Variants in SPTAN1 observed in about 807,000 individuals in gnomAD.
SPTAN1 encodes the protein spectrin alpha chain, non-erythrocytic 1.
A neutral mutation model predicts 331.3 loss-of-function variants in SPTAN1; 61 were observed. That is an observed-to-expected ratio of 0.18 (90% confidence interval 0.15 to 0.23). The LOEUF (loss-of-function observed/expected upper bound fraction) is 0.23. Ranked by LOEUF, SPTAN1 falls within the 10% of genes least tolerant of loss-of-function variation. The probability of loss-of-function intolerance (pLI) is 1.00; values close to 1 mark genes in which losing one functional copy is unlikely to be tolerated. For synonymous variants in SPTAN1, 1,153 were observed against 1,173.9 expected (o/e 0.98, Z 0.36); for missense variants, 2,043 against 3,147.9 (o/e 0.65, Z 8.40).
At chr9:128,598,846 A>G in intron 25 of SPTAN1, 117 bp from the exon 26 acceptor site, 1 of 948,974 alleles carries the variant, frequency 1.1e-6, no homozygotes, top group East Asian at 2.4e-5. Flanking sequence ...TTGGACTGGC[A>G]TTTCCATTTG....
chr9:128,605,549 A>G (rs1421649843), intron 31 of SPTAN1, 72 bp downstream of exon 31: 15 of 1,576,508 alleles, frequency 9.5e-6, no homozygotes, highest in Middle Eastern at 3.7e-4. Flanking sequence ...TATTGTGAAA[A>G]TAGTACATGC....
chr9:128,618,153 A>C (rs748540221), intron 43 of SPTAN1, 45 bp downstream of exon 43: 8 of 1,610,978 alleles, frequency 5.0e-6, no homozygotes, highest in Non-Finnish European at 6.8e-6. Flanking sequence ...GTGGAAGGCC[A>C]GCACCCAAGG....
At chr9:128,593,093 C>G (rs1474353957) in intron 23 of SPTAN1, 51 bp downstream of exon 23, 3 of 1,560,064 alleles carry the variant, frequency 1.9e-6, no homozygotes, top group Non-Finnish European at 2.6e-6. Context: ...GCTACCCTAT[C>G]CATTCTCCCT....
At chr9:128,584,574 A>G (rs779622426) in intron 17 of SPTAN1, 49 bp downstream of exon 17, 16 of 1,613,908 alleles carry the variant, frequency 9.9e-6, no homozygotes, top group Admixed American at 3.3e-5. Flanking sequence ...AGGCTGTGCT[A>G]TTGTAGCATA....
At chr9:128,615,865 G>T in intron 41 of SPTAN1, 25 bp downstream of exon 41, 1 of 1,612,514 alleles carries the variant, frequency 6.2e-7, no homozygotes, top group Non-Finnish European at 8.5e-7. Flanking sequence ...CCCTCTAGAA[G>T]GCCCCTTACG....
chr9:128,613,091 AT>A (rs1856751742), intron 39 of SPTAN1, among the ~76,000 whole-genome samples: 1 of 152,064 alleles, frequency 6.6e-6, no homozygotes, highest in Non-Finnish European at 1.5e-5. Context: ...CACACTGCTG[AT>A]TCTTTCCTAG....
Position 128,581,905 on chromosome 9 carries a change from C to G in SPTAN1, c.1572+13C>G. The G allele has an allele frequency of 6.4e-7, 1 of 1,552,370 alleles. No homozygotes were observed. Among genetic ancestry groups the G allele is most frequent in the Non-Finnish European group, 8.9e-7 (1 of 1,123,910 alleles). ...GGAAAAGATTACAGTAAGACCCCTT[C>G]TTGTCAGTGCTTTCAAATGACCCTT... On this transcript the variant is annotated intron_variant, in intron 12 of 56. Coordinates refer to ENST00000372739, the MANE Select transcript of SPTAN1 (RefSeq NM_001130438.3).
chr9:128,628,549 C>T (rs193003386), intron 51 of SPTAN1: 209 of 243,562 alleles, frequency 8.6e-4, no homozygotes, highest in Non-Finnish European at 1.4e-3. Flanking sequence ...AGGAGCAGGG[C>T]TGGGCTGTCC....
Position 128,588,830 on chromosome 9 carries a change from G to C in SPTAN1, c.2893G>C (p.Asp965His). 1 of 1,614,154 alleles carries C rather than the reference G, an allele frequency of 6.2e-7. No homozygotes were observed. Among genetic ancestry groups the C allele is most frequent in the Non-Finnish European group, 8.5e-7 (1 of 1,180,034 alleles). ...TTAGCAACAAGTGGCCCCCACGGATGATGAGACTGGGAAGGAGCTGGTCTT... is the reference window on the plus strand; with the variant it reads ...TTAGCAACAAGTGGCCCCCACGGATCATGAGACTGGGAAGGAGCTGGTCTT... ...SCRQQVAPTD[D>H]ETGKELVLAL... Residue 965 changes from aspartate to histidine, a missense_variant, in exon 21 of 57, where the codon GAT becomes CAT. Physicochemically the swap from Asp to His is moderately conservative, Grantham distance 81. Transcript: ENST00000372739.
chr9:128,565,054 C>T (rs1259013204), intron 1 of SPTAN1, among the ~76,000 whole-genome samples: 1 of 152,188 alleles, frequency 6.6e-6, no homozygotes, highest in Non-Finnish European at 1.5e-5. Context: ...CCTGTAATTC[C>T]AGCCCTTTGG....
intron 31 of SPTAN1, 26 bp from the exon 32 acceptor site, chr9:128,607,578 T>A: frequency 6.3e-7 from 1 of 1,583,396 alleles, no homozygotes; most frequent in Non-Finnish European, 8.7e-7. Flanking sequence ...ATATAATAGC[T>A]ATTTTTCTGG....
At chr9:128,582,942 A>G (rs1852133703) in intron 14 of SPTAN1, 93 bp downstream of exon 14, 2 of 1,593,056 alleles carry the variant, frequency 1.3e-6, no homozygotes, top group Middle Eastern at 4.5e-4. Flanking sequence ...GAAATAAGGG[A>G]TTCCAGAAAC....
rs1290372562 is a variant in SPTAN1, at chr9:128,625,807, A to G, written c.6108A>G (p.Glu2036=). ...CTGGGCTGCAGGCCTTCCAGCAGGA[A>G]GGCATTGCCAACATCACTGCCCTCA... The part of the protein sequence containing the change: ...FDAGLQAFQQ[E]GIANITALKD... The change falls in exon 48 of 57, where the codon GAA becomes GAG. Residue 2036 remains glutamate, a synonymous_variant. Coordinates refer to ENST00000372739, the MANE Select transcript of SPTAN1 (RefSeq NM_001130438.3). The surrounding 1 kb of genome is among the most constrained non-coding windows in gnomAD (Gnocchi z 4.1). 2.5e-6 allele frequency: 4 copies of G among 1,614,164 alleles called. No individual in the cohort carries two copies. The highest frequency in any genetic ancestry group is 1.1e-5 in the South Asian group (1 of 91,088).
rs538458062 is a variant in SPTAN1 at position 128,627,242 on chromosome 9, G to A, written c.6577-144G>A. 17 of 724,128 alleles carry A rather than the reference G, an allele frequency of 2.3e-5. No individual in the cohort carries two copies. Among genetic ancestry groups the A allele is most frequent in the Middle Eastern group, 2.4e-4 (1 of 4,212 alleles). The allele number at this position is 724,128 out of a possible 1,614,324, so 44.9% of individuals were successfully genotyped here. A position where few individuals can be genotyped will look rare whatever the true frequency, so the allele number is the denominator to read the frequency against. On this transcript the variant is annotated intron_variant, in intron 49 of 56. Coordinates refer to ENST00000372739, the MANE Select transcript of SPTAN1 (RefSeq NM_001130438.3). The surrounding 1 kb of genome is among the most constrained non-coding windows in gnomAD (Gnocchi z 4.9). Reference sequence around the variant, plus strand: ...AAAGAACTACCAAGTGCTCTGAGCCGGCCTCATGTCTCCCAGCCTCCTCCT... The same window carrying A: ...AAAGAACTACCAAGTGCTCTGAGCCAGCCTCATGTCTCCCAGCCTCCTCCT...
chr9:128,581,091 G>A lies in SPTAN1; in HGVS notation c.1461+32G>A, dbSNP rs544926032. On this transcript the variant is annotated intron_variant, in intron 11 of 56. Transcript: ENST00000372739. ...TGTGAGCAAAGCCTTGCCAGTGGTG[G>A]GAGAAGAAGGGCCTGTGTTTTGCCT... 18 of 1,613,070 alleles carry A rather than the reference G, an allele frequency of 1.1e-5. No individual in the cohort carries two copies. The South Asian group carries it at 1.2e-4, about 11-fold the overall frequency.
intron 9 of SPTAN1, among the ~76,000 whole-genome samples, chr9:128,579,380 C>A (rs1851679578): frequency 6.6e-6 from 1 of 152,098 alleles, no homozygotes; most frequent in South Asian, 2.1e-4. Context: ...GAGCTCAGAC[C>A]CATGTGAATG....
In SPTAN1 at chr9:128,621,255, A is replaced by T. The variant is rs1857813082; in HGVS notation, c.5831A>T (p.Lys1944Met). Residue 1944 changes from lysine to methionine, a missense_variant and splice_region_variant, in exon 45 of 57, where the codon AAG (lysine) becomes ATG (methionine). Coordinates refer to ENST00000372739, the MANE Select transcript of SPTAN1 (RefSeq NM_001130438.3). Reference protein sequence around the residue: ...VCTNGQDLIKKNNHHEENISS... With the variant: ...VCTNGQDLIKMNNHHEENISS... ...ACCAATGGACAAGACCTCATTAAGA[A>T]GGTGAGTCCAGCCCATTGGTAAGAC... 6.2e-7 allele frequency: 1 copy of T among 1,612,474 alleles called. No homozygotes were observed. The highest frequency in any genetic ancestry group is 1.3e-5 in the African/African-American group (1 of 74,878).
intron 27 of SPTAN1, among the ~76,000 whole-genome samples, chr9:128,600,946 AGTC>A (rs1855043187): frequency 1.6e-5 from 2 of 122,916 alleles, no homozygotes; most frequent in South Asian, 6.0e-4. Flanking sequence ...TACAGGCCTG[AGTC>A]ACAGCACACA....
rs1017669425 is a variant in SPTAN1, at chr9:128,628,359, G to T, written c.6707+417G>T. 24 of 373,224 alleles carry T rather than the reference G, an allele frequency of 6.4e-5. No individual in the cohort carries two copies. The East Asian group carries it at 1.7e-3, about 26-fold the overall frequency. The allele number at this position is 373,224 out of a possible 1,614,324, so 23.1% of individuals were successfully genotyped here. A position where few individuals can be genotyped will look rare whatever the true frequency, so the allele number is the denominator to read the frequency against. ...GCATGAAGCAGATGGCAGTGCTGGG[G>T]GCTCAGGCAGGGTACAGTAAGTCCA... On this transcript the variant is annotated intron_variant, in intron 51 of 56. Coordinates refer to ENST00000372739, the MANE Select transcript of SPTAN1 (RefSeq NM_001130438.3).
Sources: gnomAD v4.1 joint callset for allele counts (sites outside exome capture counted in the v4.1 genomes callset) on GRCh38, gnomAD v4.1.1 for gene constraint, Gnocchi (gnomAD v3.1) non-coding constraint, MANE v1.5 for transcripts, NCBI Gene and HGNC (gene_info 2026-07-23, HGNC 2026-07-21) for gene names.